WDTC1: variants seen among roughly 807,000 people sequenced by gnomAD.
WDTC1 encodes WD and tetratricopeptide repeats protein 1.
In WDTC1, 12 loss-of-function variants were observed where a neutral mutation model predicts 76.0. The observed-to-expected ratio is 0.16, with a 90% CI of 0.10 to 0.26. The LOEUF is 0.26. Ranked by LOEUF, WDTC1 falls within the 10% of genes least tolerant of loss-of-function variation. The pLI is 1.00. For synonymous variants in WDTC1, 326 were observed against 350.8 expected, an observed-to-expected ratio of 0.93 and a Z score of 0.79; for missense variants, 511 against 908.8, an observed-to-expected ratio of 0.56 and a Z score of 5.63.
chr1:27,280,608 T>C (rs2013160289), intron 3 of WDTC1, among the ~76,000 whole-genome samples: 1 of 152,246 alleles, frequency 6.6e-6, no homozygotes, highest in Non-Finnish European at 1.5e-5. Flanking sequence ...TTTAAGAAGT[T>C]AGAGAGAAGC....
In WDTC1 at chr1:27,306,392, G is replaced by T; in HGVS notation, c.*9G>T. 1 of 1,608,752 alleles carries T rather than the reference G, an allele frequency of 6.2e-7. No individual in the cohort carries two copies. On this transcript the variant is annotated 3_prime_UTR_variant, in exon 16 of 16. Coordinates refer to ENST00000319394, the MANE Select transcript of WDTC1 (RefSeq NM_001276252.2). This position sits in a 1 kb window ranked among gnomAD's most constrained non-coding sequence, Gnocchi z 5.0. ...AGTGCCGGCCCAGCTAGACCCTCCAGCCCTGGTCCCCAGCCCCTGCTACTG... is the reference window on the plus strand; with the variant it reads ...AGTGCCGGCCCAGCTAGACCCTCCATCCCTGGTCCCCAGCCCCTGCTACTG...
chr1:27,305,267 G>A lies in WDTC1; in HGVS notation c.1836+74G>A. 13 of 1,512,348 alleles carry A rather than the reference G, an allele frequency of 8.6e-6. No individual in the cohort carries two copies. Among genetic ancestry groups the A allele is most frequent in the South Asian group, 3.8e-5 (3 of 79,394 alleles). The allele number at this position is 1,512,348 out of a possible 1,614,324, so 93.7% of individuals were successfully genotyped here. ...GCTCCAGTGGAGCCTGCTAGCGCAG[G>A]GAAGAGAAATGAGCCACCCAGAGGC... On this transcript the variant is annotated intron_variant, in intron 15 of 15. Transcript: ENST00000319394. This position sits in a 1 kb window ranked among gnomAD's most constrained non-coding sequence, Gnocchi z 4.6.
At chr1:27,285,402 C>T (rs1252425475) in intron 5 of WDTC1, among the ~76,000 whole-genome samples, 1 of 152,024 alleles carries the variant, frequency 6.6e-6, no homozygotes, top group Non-Finnish European at 1.5e-5. Flanking sequence ...TCTTTGTGAA[C>T]ATTTAAAGTC....
At chr1:27,244,456 C>T (rs901354678) in intron 1 of WDTC1, among the ~76,000 whole-genome samples, 1 of 152,190 alleles carries the variant, frequency 6.6e-6, no homozygotes, top group African/African-American at 2.4e-5. Flanking sequence ...TCCCTCCTGC[C>T]TCAGCCTTCC....
chr1:27,283,031 A>G (rs1298492469), intron 4 of WDTC1, among the ~76,000 whole-genome samples: 1 of 151,430 alleles, frequency 6.6e-6, no homozygotes, highest in East Asian at 2.0e-4. Context: ...CCAGCTACTC[A>G]GGAGGCTGAG....
In WDTC1 at chr1:27,300,096, GC is replaced by G. The variant is rs2013794171; in HGVS notation, c.1233-1125del. 3.3e-5 allele frequency among the ~76,000 whole-genome samples: 5 copies of G among 152,328 alleles called. No individual in the cohort carries two copies. In the South Asian group the frequency reaches 1.0e-3, roughly 32 times the overall value. On this transcript the variant is annotated intron_variant, in intron 12 of 15. Coordinates refer to ENST00000319394, the MANE Select transcript of WDTC1 (RefSeq NM_001276252.2). ...ATTGAAGCAGCTCTGTTTCCTGCCT[GC>G]CCCCACATGGGCTGAGCTGCTGGTT...
intron 5 of WDTC1, among the ~76,000 whole-genome samples, chr1:27,284,124 C>T (rs2013265464): frequency 2.0e-5 from 3 of 152,066 alleles, no homozygotes; most frequent in Admixed American, 2.0e-4. Flanking sequence ...GAAAACAGAC[C>T]TAGGACTAGT....
intron 12 of WDTC1, among the ~76,000 whole-genome samples, chr1:27,300,752 C>A (rs973386376): frequency 6.6e-6 from 1 of 152,156 alleles, no homozygotes; most frequent in Non-Finnish European, 1.5e-5. Context: ...ACCCTGCGTC[C>A]CCAGCCTGAC....
chr1:27,302,005 G>A (rs560210183), intron 13 of WDTC1, among the ~76,000 whole-genome samples: 3 of 152,298 alleles, frequency 2.0e-5, no homozygotes, highest in East Asian at 3.9e-4. Flanking sequence ...CAAAGAGCAC[G>A]AAGCCCTGCC....
rs1304150444 is a variant in WDTC1 at position 27,297,162 on chromosome 1, G to A, written c.1058+6G>A. 3 of 1,595,676 alleles carry A rather than the reference G, an allele frequency of 1.9e-6. No individual in the cohort carries two copies. Among genetic ancestry groups the A allele is most frequent in the Non-Finnish European group, 2.6e-6 (3 of 1,170,556 alleles). On this transcript the variant is annotated splice_donor_region_variant and intron_variant, in intron 11 of 15. Transcript: ENST00000319394. ...GAGAGTAGGGGACATGTCAGGTGAG[G>A]CCAGCTGGCTTGTCCAGCCCTCCAA...
chr1:27,293,132 A>G (rs1031220228), intron 7 of WDTC1, among the ~76,000 whole-genome samples: 2 of 151,908 alleles, frequency 1.3e-5, no homozygotes, highest in Non-Finnish European at 2.9e-5. Flanking sequence ...ATGTTGGAAA[A>G]TATGAAAAGT....
intron 5 of WDTC1, among the ~76,000 whole-genome samples, chr1:27,285,836 C>A (rs2013317883): frequency 6.6e-6 from 1 of 151,966 alleles, no homozygotes; most frequent in Admixed American, 6.6e-5. Flanking sequence ...GATCCACCTG[C>A]CTCCGCCTCC....
At chr1:27,282,712 C>T (rs1055927910) in intron 4 of WDTC1, among the ~76,000 whole-genome samples, 1 of 151,998 alleles carries the variant, frequency 6.6e-6, no homozygotes, top group Non-Finnish European at 1.5e-5. Context: ...CCATGTTGCC[C>T]AGGCTGGTCT....
At chr1:27,243,839 G>A (rs1197084817) in intron 1 of WDTC1, among the ~76,000 whole-genome samples, 1 of 151,862 alleles carries the variant, frequency 6.6e-6, no homozygotes, top group Non-Finnish European at 1.5e-5. Context: ...GAAGTGTCAA[G>A]TCAGGGTCTG....
At chr1:27,275,552 AG>A in intron 3 of WDTC1, among the ~76,000 whole-genome samples, 1 of 151,118 alleles carries the variant, frequency 6.6e-6, no homozygotes, top group South Asian at 2.1e-4. Flanking sequence ...CAGGAGGCGG[AG>A]GTTGCAGTGA....
chr1:27,270,741 G>A (rs1390767494), intron 3 of WDTC1, among the ~76,000 whole-genome samples: 1 of 152,084 alleles, frequency 6.6e-6, no homozygotes, highest in Non-Finnish European at 1.5e-5. Flanking sequence ...AACAGAGTAA[G>A]ATCCTATCTC....
chr1:27,294,481 G>T, intron 8 of WDTC1, 33 bp from the exon 9 acceptor site: 1 of 1,590,068 alleles, frequency 6.3e-7, no homozygotes, highest in Non-Finnish European at 8.6e-7. Flanking sequence ...GAAAGGGACT[G>T]GGACCCTAGT....
chr1:27,273,938 T>G (rs1197785040), intron 3 of WDTC1, among the ~76,000 whole-genome samples: 1 of 152,122 alleles, frequency 6.6e-6, no homozygotes, highest in Non-Finnish European at 1.5e-5. Flanking sequence ...TCTTATACTA[T>G]TCTTGCAAAC....
At position 27,248,101 on chromosome 1, in the gene WDTC1, A is replaced by G. The variant is rs529310595; in HGVS notation, c.-99-12855A>G. Among the ~76,000 whole-genome samples, 366 of 152,350 alleles carry G rather than the reference A, an allele frequency of 2.4e-3. 1 individual carries two copies. Among genetic ancestry groups the G allele is most frequent in the African/African-American group, 8.4e-3 (350 of 41,590 alleles). On this transcript the variant is annotated intron_variant, in intron 1 of 15. Coordinates refer to ENST00000319394, the MANE Select transcript of WDTC1 (RefSeq NM_001276252.2). The stretch of plus-strand genomic sequence containing the variant: ...CTTGCTTATTGTGAATAGTGCCACA[A>G]TTAACATACTGCACAGTGTGTGTGT...
Sources: gnomAD v4.1 joint callset for allele counts (sites outside exome capture counted in the v4.1 genomes callset) on GRCh38, gnomAD v4.1.1 for gene constraint, Gnocchi (gnomAD v3.1) non-coding constraint, MANE v1.5 for transcripts, NCBI Gene and HGNC (gene_info 2026-07-23, HGNC 2026-07-21) for gene names.